NRXN1: variants seen among roughly 807,000 people sequenced by gnomAD.
NRXN1 encodes the protein neurexin-1.
NRXN1 carries 39 observed loss-of-function variants against 150.9 expected under a neutral mutation model. The observed-to-expected ratio is 0.26, with a 90% CI of 0.20 to 0.34. The LOEUF (loss-of-function observed/expected upper bound fraction) is 0.34. NRXN1 is among the 10% of genes least tolerant of loss of function. The pLI is 1.00. For missense variants in NRXN1, 1,815 were observed against 1,949.9 expected (o/e 0.93, Z 1.30); for synonymous variants, 924 against 757.0 (o/e 1.22, Z -3.62).
intron 17 of NRXN1, among the ~76,000 whole-genome samples, chr2:50,407,885 TG>T (rs2082868303): frequency 6.6e-6 from 1 of 152,172 alleles, no homozygotes; most frequent in African/African-American, 2.4e-5. Flanking sequence ...AAAAGGAATA[TG>T]GGAAAGACCA....
chr2:50,484,124 T>C (rs375633714), intron 15 of NRXN1, among the ~76,000 whole-genome samples: 1 of 152,064 alleles, frequency 6.6e-6, no homozygotes, highest in African/African-American at 2.4e-5. Context: ...CCACCAGTGG[T>C]TTTCTGTGTA....
intron 5 of NRXN1, among the ~76,000 whole-genome samples, chr2:50,821,309 G>C (rs1396980978): frequency 6.6e-6 from 1 of 152,096 alleles, no homozygotes; most frequent in Non-Finnish European, 1.5e-5. Flanking sequence ...AAGCTCATCA[G>C]CTATCGTTAG....
intron 17 of NRXN1, among the ~76,000 whole-genome samples, chr2:50,260,520 G>A (rs954666866): frequency 2.6e-5 from 4 of 151,554 alleles, no homozygotes; most frequent in South Asian, 2.1e-4. Context: ...ACTCCTCAGA[G>A]GGAGAAAATG....
At chr2:50,249,623 CAT>C (rs1441015101) in intron 17 of NRXN1, among the ~76,000 whole-genome samples, 3 of 149,032 alleles carry the variant, frequency 2.0e-5, no homozygotes, top group African/African-American at 5.0e-5. Flanking sequence ...CATCCAAACA[CAT>C]GTCATTTCTT....
chr2:50,129,950 C>A lies in NRXN1; in HGVS notation c.3547-38456G>T, dbSNP rs571731387. ...TAATTTATATTTTCTATATCCTATT[C>A]CAAAACAAATATTTTCTATGTAATA... On this transcript the variant is annotated intron_variant, in intron 18 of 22. Coordinates refer to ENST00000401669, the MANE Select transcript of NRXN1 (RefSeq NM_001330078.2). Among the ~76,000 whole-genome samples the A allele has an allele frequency of 1.2e-4, 19 of 152,246 alleles. No individual in the cohort carries two copies. In the East Asian group the frequency reaches 3.7e-3, roughly 29 times the overall value.
chr2:50,417,499 T>C (rs1362759339), intron 17 of NRXN1, among the ~76,000 whole-genome samples: 1 of 151,940 alleles, frequency 6.6e-6, no homozygotes, highest in Non-Finnish European at 1.5e-5. Context: ...ACCCTGATAT[T>C]CTGCTTGGTC....
chr2:50,075,839 C>G (rs944920445), intron 19 of NRXN1, among the ~76,000 whole-genome samples: 1 of 151,908 alleles, frequency 6.6e-6, no homozygotes, highest in African/African-American at 2.4e-5. Context: ...TGGCTATGTA[C>G]ATGCACATGA....
chr2:50,853,392 G>A (rs1336923720), intron 5 of NRXN1, among the ~76,000 whole-genome samples: 1 of 152,054 alleles, frequency 6.6e-6, no homozygotes, highest in African/African-American at 2.4e-5. Flanking sequence ...ATTTGAAGTG[G>A]AACAGGTCAC....
At chr2:50,468,123 C>G (rs1057010374) in intron 16 of NRXN1, among the ~76,000 whole-genome samples, 9 of 151,662 alleles carry the variant, frequency 5.9e-5, no homozygotes, top group South Asian at 2.1e-4. Context: ...TATTTGCTCT[C>G]TGACCTGCAC....
chr2:50,439,909 G>T (rs1306826115), intron 17 of NRXN1, among the ~76,000 whole-genome samples: 1 of 151,854 alleles, frequency 6.6e-6, no homozygotes. Context: ...CAGATTAAAA[G>T]AATTACTCAA....
chr2:50,398,609 A>T (rs1377456160), intron 17 of NRXN1, among the ~76,000 whole-genome samples: 1 of 152,174 alleles, frequency 6.6e-6, no homozygotes, highest in African/African-American at 2.4e-5. Context: ...AGCTTCTGCT[A>T]ATTAACATAC....
chr2:50,149,249 A>G (rs994236661), intron 18 of NRXN1, among the ~76,000 whole-genome samples: 1 of 151,764 alleles, frequency 6.6e-6, no homozygotes, highest in Non-Finnish European at 1.5e-5. Context: ...CTGCCTGCTT[A>G]TGAAAGGAAT....
rs939099470 is a variant in NRXN1, at chr2:50,619,966, G to C, written c.1320+56C>G. On this transcript the variant is annotated intron_variant, in intron 8 of 22. Coordinates refer to ENST00000401669, the MANE Select transcript of NRXN1 (RefSeq NM_001330078.2). ...CTTCAGCAAAGGTGCTTTCATGCTG[G>C]ATCTGAAATGATGAGACCATGAATT... 4.2e-5 allele frequency: 60 copies of C among 1,437,892 alleles called. No homozygotes were observed. In the African/African-American group the frequency reaches 5.5e-4, roughly 13 times the overall value. The allele number at this position is 1,437,892 out of a possible 1,614,324, so 89.1% of individuals were successfully genotyped here.
chr2:50,813,211 A>G (rs1330796207), intron 5 of NRXN1, among the ~76,000 whole-genome samples: 1 of 152,148 alleles, frequency 6.6e-6, no homozygotes, highest in African/African-American at 2.4e-5. Context: ...AAAGATATTA[A>G]TGGCTTAAAT....
At chr2:50,169,644 G>A (rs115936288) in intron 18 of NRXN1, among the ~76,000 whole-genome samples, 3,637 of 150,828 alleles carry the variant, frequency 0.024, 154 homozygotes, top group African/African-American at 0.084. Flanking sequence ...ACCCAGGAGC[G>A]GAGGTTGCAG....
intron 9 of NRXN1, among the ~76,000 whole-genome samples, chr2:50,542,281 G>A (rs1174963305): frequency 4.0e-5 from 6 of 150,622 alleles, no homozygotes; most frequent in Admixed American, 6.6e-5. Context: ...AACTCCATCA[G>A]AAAGAAAGAA....
intron 22 of NRXN1, among the ~76,000 whole-genome samples, chr2:49,929,292 TAAAC>T (rs1405078258): frequency 6.6e-6 from 1 of 152,098 alleles, no homozygotes; most frequent in East Asian, 1.9e-4. Flanking sequence ...TGAAGACAAA[TAAAC>T]AGAGGAACAT....
intron 19 of NRXN1, among the ~76,000 whole-genome samples, chr2:50,056,722 A>G (rs558822042): frequency 1.3e-5 from 2 of 152,230 alleles, no homozygotes; most frequent in Non-Finnish European, 2.9e-5. Context: ...GGACAGTGTG[A>G]TTATTGATCA....
At chr2:49,950,666 T>C (rs1400964415) in intron 21 of NRXN1, among the ~76,000 whole-genome samples, 1 of 151,996 alleles carries the variant, frequency 6.6e-6, no homozygotes, top group Non-Finnish European at 1.5e-5. Flanking sequence ...AATGTAACAA[T>C]GTTCCCATAT....
Sources: allele counts gnomAD v4.1 joint callset (sites outside exome capture counted in the v4.1 genomes callset), GRCh38; gene constraint gnomAD v4.1.1; transcripts MANE v1.5; gene names NCBI Gene and HGNC (gene_info 2026-07-23, HGNC 2026-07-21).